CAAP1: variants seen among roughly 807,000 people sequenced by gnomAD.
CAAP1 encodes the protein conserved anti-apoptotic protein.
Under a neutral mutation model 34.0 loss-of-function variants are expected in CAAP1, and 20 were observed. The observed-to-expected ratio is 0.59, with a 90% CI of 0.41 to 0.86. The LOEUF is 0.86. Among genes scored for constraint, CAAP1 ranks in the 40% least tolerant of loss-of-function variants. CAAP1 has a pLI of 0.00. For missense variants in CAAP1, 538 were observed against 450.5 expected (o/e 1.19, Z -1.76); for synonymous variants, 213 against 166.7 (o/e 1.28, Z -2.14).
At chr9:26,862,966 A>G (rs1282672383) in intron 4 of CAAP1, among the ~76,000 whole-genome samples, 1 of 152,170 alleles carries the variant, frequency 6.6e-6, no homozygotes, top group Non-Finnish European at 1.5e-5. Context: ...CAAATGGGAT[A>G]GAAGGTCAAT....
rs752858801 is a variant in CAAP1, at chr9:26,884,893, A to T, written c.590-8T>A. 1.3e-6 allele frequency: 2 copies of T among 1,590,672 alleles called. No individual in the cohort carries two copies. The highest frequency in any genetic ancestry group is 3.4e-5 in the Admixed American group (2 of 59,406). ...AGTCCATTCCATTGTCACCTTATAA[A>T]TGAAAGAAACTATTGAAAGCACACT... On this transcript the variant is annotated splice_polypyrimidine_tract_variant and splice_region_variant and intron_variant, in intron 3 of 5. Coordinates refer to ENST00000333916, the MANE Select transcript of CAAP1 (RefSeq NM_024828.4).
intron 2 of CAAP1, among the ~76,000 whole-genome samples, chr9:26,887,049 T>C (rs1055015003): frequency 1.3e-5 from 2 of 151,760 alleles, no homozygotes; most frequent in Admixed American, 6.6e-5. Context: ...CCCCGTCTCT[T>C]AAAAATCCAA....
chr9:26,844,731 T>C (rs888132817), intron 5 of CAAP1, among the ~76,000 whole-genome samples: 9 of 152,202 alleles, frequency 5.9e-5, no homozygotes, highest in African/African-American at 1.4e-4. Context: ...TCAGTATCCA[T>C]TGAGATTGGG....
intron 4 of CAAP1, among the ~76,000 whole-genome samples, chr9:26,870,587 CGTGTGTGTGTGT>C (rs10598264): frequency 3.0e-5 from 4 of 135,186 alleles, no homozygotes. Context: ...CACATATATA[CGTGTGTGTGTGT>C]GTGTGTGTGT....
chr9:26,892,418 G>A lies in CAAP1; in HGVS notation c.298C>T (p.Gln100Ter). 6.2e-7 allele frequency: 1 copy of A among 1,604,890 alleles called. No individual in the cohort carries two copies. The change falls in exon 1 of 6, where the codon CAG becomes TAG. Residue 100 changes from glutamine to a stop codon, truncating the protein, a stop_gained. Transcript: ENST00000333916. LOFTEE classifies it high-confidence loss of function. ...CCAGAGGGGCGCGCACGCACCTGCT[G>A]CAAGGAGCCCGAGACGCTGGAAGAG... is the stretch of plus-strand genomic sequence containing the variant. ...TDSSSVSGSL[Q>*]QETKYILPTL...
intron 5 of CAAP1, among the ~76,000 whole-genome samples, chr9:26,855,263 G>T (rs913056942): frequency 3.3e-5 from 5 of 152,198 alleles, no homozygotes; most frequent in Non-Finnish European, 7.3e-5. Context: ...AAACTACAGA[G>T]ATTCCAGGAC....
At chr9:26,868,064 T>C (rs1471746237) in intron 4 of CAAP1, among the ~76,000 whole-genome samples, 1 of 152,226 alleles carries the variant, frequency 6.6e-6, no homozygotes, top group Non-Finnish European at 1.5e-5. Context: ...CTACTATTTA[T>C]GTACATACAA....
In CAAP1 at chr9:26,892,568, C is replaced by A; in HGVS notation, c.148G>T (p.Gly50Trp). The A allele has an allele frequency of 6.3e-7, 1 of 1,590,488 alleles. No individual in the cohort carries two copies. Among genetic ancestry groups the A allele is most frequent in the East Asian group, 2.3e-5 (1 of 43,620 alleles). ...TSGCGSAGGC[G>W]SVSCCGNANF... is the part of the protein sequence containing the mutation. ...GCGTTCCCACAGCAGCTGACGCTCC[C>A]GCAGCCCCCGGCGCTCCCGCAGCCG... Residue 50 changes from glycine to tryptophan, a missense_variant, in exon 1 of 6, where the codon GGG becomes TGG. Physicochemically the swap from Gly to Trp is radical, Grantham distance 184 (BLOSUM62 -2). Transcript: ENST00000333916.
chr9:26,870,371 C>G (rs1305578364), intron 4 of CAAP1, among the ~76,000 whole-genome samples: 1 of 151,886 alleles, frequency 6.6e-6, no homozygotes, highest in Admixed American at 6.6e-5. Flanking sequence ...GTTCATCCTA[C>G]TGCTGTCTTT....
At chr9:26,890,354 C>T (rs984563113) in intron 1 of CAAP1, among the ~76,000 whole-genome samples, 1 of 147,230 alleles carries the variant, frequency 6.8e-6, no homozygotes, top group Non-Finnish European at 1.5e-5. Context: ...CTGGGCGACA[C>T]AGTGAGAGCC....
chr9:26,848,871 CA>C (rs1442291712), intron 5 of CAAP1, among the ~76,000 whole-genome samples: 1 of 152,144 alleles, frequency 6.6e-6, no homozygotes, highest in East Asian at 1.9e-4. Context: ...CCCATATTCA[CA>C]ACTATGGCTC....
intron 1 of CAAP1, among the ~76,000 whole-genome samples, chr9:26,889,477 T>G (rs1587132173): frequency 6.6e-6 from 1 of 152,028 alleles, no homozygotes; most frequent in Non-Finnish European, 1.5e-5. Flanking sequence ...ACTCTGAATA[T>G]ATACAAAATC....
chr9:26,858,639 G>A (rs908617800), intron 5 of CAAP1, among the ~76,000 whole-genome samples: 3 of 151,910 alleles, frequency 2.0e-5, no homozygotes, highest in Non-Finnish European at 2.9e-5. Context: ...TGGTTAACAC[G>A]GTGAAACCCC....
intron 5 of CAAP1, among the ~76,000 whole-genome samples, chr9:26,853,432 G>A (rs1822800670): frequency 6.6e-6 from 1 of 152,148 alleles, no homozygotes. Flanking sequence ...GGATACACAA[G>A]TGTTAGAAGT....
At chr9:26,868,404 CA>C in intron 4 of CAAP1, among the ~76,000 whole-genome samples, 1 of 152,214 alleles carries the variant, frequency 6.6e-6, no homozygotes, top group East Asian at 1.9e-4. Context: ...GAAAGGGCCA[CA>C]AGACAGAGAA....
intron 4 of CAAP1, among the ~76,000 whole-genome samples, chr9:26,880,980 CTT>C (rs1823580282): frequency 6.6e-6 from 1 of 152,092 alleles, no homozygotes; most frequent in Non-Finnish European, 1.5e-5. Context: ...CAAGCCCTCT[CTT>C]TCTTTCATCT....
chr9:26,885,392 T>C (rs1823713791), intron 3 of CAAP1, among the ~76,000 whole-genome samples: 2 of 152,118 alleles, frequency 1.3e-5, no homozygotes, highest in Non-Finnish European at 1.5e-5. Flanking sequence ...CTTCTTTTTC[T>C]CTATTATATA....
intron 5 of CAAP1, among the ~76,000 whole-genome samples, chr9:26,853,017 T>A (rs1409716495): frequency 6.6e-6 from 1 of 152,164 alleles, no homozygotes; most frequent in Non-Finnish European, 1.5e-5. Context: ...ACAAGTCACA[T>A]CATGTTAAGG....
intron 1 of CAAP1, among the ~76,000 whole-genome samples, chr9:26,890,902 G>A (rs1338918432): frequency 6.6e-6 from 1 of 152,138 alleles, no homozygotes; most frequent in East Asian, 1.9e-4. Context: ...CCGGGATCAC[G>A]CCACTGCACT....
Sources: gnomAD v4.1 joint callset for allele counts (sites outside exome capture counted in the v4.1 genomes callset) on GRCh38, gnomAD v4.1.1 for gene constraint, MANE v1.5 for transcripts, NCBI Gene and HGNC (gene_info 2026-07-23, HGNC 2026-07-21) for gene names.